PTPRD: variants seen among roughly 807,000 people sequenced by gnomAD.
The protein encoded by PTPRD is protein tyrosine phosphatase receptor type D, also known as receptor-type tyrosine-protein phosphatase delta.
Under a neutral mutation model 214.5 loss-of-function variants are expected in PTPRD, and 34 were observed. The ratio of observed to expected loss-of-function variants is 0.16; its 90% CI spans 0.12 to 0.21. The LOEUF (loss-of-function observed/expected upper bound fraction) is 0.21, where lower values mean the gene tolerates loss of function less well. Ranked by LOEUF, PTPRD falls within the 10% of genes least tolerant of loss-of-function variation. The probability of loss-of-function intolerance (pLI) is 1.00; values close to 1 mark genes in which losing one functional copy is unlikely to be tolerated. For synonymous variants in PTPRD, 1,128 were observed against 845.7 expected (o/e 1.33, Z -5.79); for missense variants, 2,545 against 2,398.7 (o/e 1.06, Z -1.27).
At chr9:9,914,000 G>C (rs554337859) in intron 5 of PTPRD, among the ~76,000 whole-genome samples, 146 of 152,262 alleles carry the variant, frequency 9.6e-4, no homozygotes, top group South Asian at 1.4e-3. Context: ...TGTGGACTCT[G>C]GGCCTAGGAT....
At chr9:9,419,130 C>T (rs1208519387) in intron 8 of PTPRD, among the ~76,000 whole-genome samples, 4 of 144,370 alleles carry the variant, frequency 2.8e-5, no homozygotes, top group African/African-American at 7.8e-5. Flanking sequence ...GCCCCTTATA[C>T]ACACACACAC....
chr9:8,758,767 T>TC (rs1273439986), intron 11 of PTPRD, among the ~76,000 whole-genome samples: 1 of 152,120 alleles, frequency 6.6e-6, no homozygotes, highest in African/African-American at 2.4e-5. Context: ...TAACCTTTTT[T>TC]TTTTTTTTGA....
chr9:9,399,953 A>T (rs2069555295), intron 8 of PTPRD, among the ~76,000 whole-genome samples: 1 of 152,068 alleles, frequency 6.6e-6, no homozygotes, highest in South Asian at 2.1e-4. Context: ...TTCTAAATAG[A>T]ATAATCAGAA....
intron 35 of PTPRD, among the ~76,000 whole-genome samples, chr9:8,421,141 A>C (rs2094331061): frequency 6.6e-6 from 1 of 152,166 alleles, no homozygotes. Flanking sequence ...ATGACTTGAT[A>C]AATGATATCT....
chr9:8,459,764 G>C (rs1031255091), intron 33 of PTPRD, among the ~76,000 whole-genome samples: 1 of 152,050 alleles, frequency 6.6e-6, no homozygotes, highest in Non-Finnish European at 1.5e-5. Flanking sequence ...ATAAGACTGA[G>C]ATTATATTTT....
intron 11 of PTPRD, among the ~76,000 whole-genome samples, chr9:8,767,471 T>A (rs1272028793): frequency 6.6e-6 from 1 of 152,130 alleles, no homozygotes; most frequent in Admixed American, 6.6e-5. Flanking sequence ...CAAAGATCAT[T>A]TATATAGGAA....
At chr9:9,898,917 T>C (rs2075720709) in intron 5 of PTPRD, among the ~76,000 whole-genome samples, 1 of 150,432 alleles carries the variant, frequency 6.6e-6, no homozygotes, top group South Asian at 2.1e-4. Flanking sequence ...TCCAGGATTT[T>C]CTTGTTTTCT....
intron 9 of PTPRD, among the ~76,000 whole-genome samples, chr9:9,388,672 A>C (rs1014913851): frequency 3.9e-5 from 6 of 152,210 alleles, no homozygotes; most frequent in Non-Finnish European, 7.3e-5. Context: ...GAAAGTTTTA[A>C]ATATACGAGC....
intron 9 of PTPRD, among the ~76,000 whole-genome samples, chr9:9,212,866 C>T (rs1439037889): frequency 3.3e-5 from 5 of 152,038 alleles, no homozygotes; most frequent in Non-Finnish European, 7.4e-5. Context: ...GGAGTTAGAT[C>T]TGGGTTTCCT....
intron 10 of PTPRD, among the ~76,000 whole-genome samples, chr9:9,095,464 G>A (rs1488149647): frequency 6.6e-6 from 1 of 152,166 alleles, no homozygotes; most frequent in East Asian, 1.9e-4. Flanking sequence ...TCCAGATTGA[G>A]CTGTGGAATC....
At chr9:9,941,376 G>A (rs556692287) in intron 4 of PTPRD, among the ~76,000 whole-genome samples, 2 of 152,276 alleles carry the variant, frequency 1.3e-5, no homozygotes, top group East Asian at 1.9e-4. Flanking sequence ...AGGCTGAAGG[G>A]CAGTGGCATG....
At position 8,449,772 on chromosome 9, in the gene PTPRD, T is replaced by A; in HGVS notation, c.3941A>T (p.His1314Leu). 6.2e-7 allele frequency: 1 copy of A among 1,614,048 alleles called. No individual in the cohort carries two copies. The highest frequency in any genetic ancestry group is 8.5e-7 in the Non-Finnish European group (1 of 1,179,946). The change falls in exon 34 of 46, where the codon CAC becomes CTC. Residue 1314 changes from histidine to leucine, a missense_variant. Transcript: ENST00000381196. The part of the protein sequence containing the change: ...IPNNKEIPSH[H>L]PTDPVELRRL... ...CCTCAGTTCTACAGGGTCTGTTGGG[T>A]GGTGTGAAGGGATCTCCTTATTGTT...
chr9:9,978,690 C>A (rs143833047), intron 4 of PTPRD, among the ~76,000 whole-genome samples: 281 of 152,012 alleles, frequency 1.8e-3, no homozygotes, highest in African/African-American at 6.3e-3. Context: ...GATATAATGA[C>A]TGAGAATTTT....
intron 3 of PTPRD, among the ~76,000 whole-genome samples, chr9:10,139,584 G>GCAAA (rs752604032): frequency 6.6e-6 from 1 of 151,712 alleles, no homozygotes; most frequent in Non-Finnish European, 1.5e-5. Flanking sequence ...GTATTCTTAA[G>GCAAA]CAAACAAACA....
At chr9:8,440,863 G>A (rs927478790) in intron 34 of PTPRD, among the ~76,000 whole-genome samples, 1 of 152,132 alleles carries the variant, frequency 6.6e-6, no homozygotes, top group Non-Finnish European at 1.5e-5. Context: ...CCTTAGAGAT[G>A]ACTTAGTCCA....
At chr9:8,919,694 C>T (rs1047497489) in intron 11 of PTPRD, among the ~76,000 whole-genome samples, 5 of 152,160 alleles carry the variant, frequency 3.3e-5, no homozygotes, top group Non-Finnish European at 7.4e-5. Flanking sequence ...TTTATACATG[C>T]ATGTATACAC....
At chr9:8,924,051 T>A (rs140123488) in intron 11 of PTPRD, among the ~76,000 whole-genome samples, 1 of 152,184 alleles carries the variant, frequency 6.6e-6, no homozygotes, top group Non-Finnish European at 1.5e-5. Flanking sequence ...AAATTTAGAA[T>A]GAAGAAATAT....
chr9:9,008,244 T>TATTTATTTATTTA, intron 11 of PTPRD, among the ~76,000 whole-genome samples: 1 of 150,650 alleles, frequency 6.6e-6, no homozygotes. Context: ...TTTATTTATT[T>TATTTATTTATTTA]TTGAGACAGA....
chr9:9,905,155 AT>A (rs1429288369), intron 5 of PTPRD, among the ~76,000 whole-genome samples: 3 of 151,660 alleles, frequency 2.0e-5, no homozygotes, highest in Admixed American at 2.0e-4. Context: ...TGAACACGAC[AT>A]TTTTTTTCAA....
Sources: allele counts gnomAD v4.1 joint callset (sites outside exome capture counted in the v4.1 genomes callset), GRCh38; gene constraint gnomAD v4.1.1; transcripts MANE v1.5; gene names NCBI Gene and HGNC (gene_info 2026-07-23, HGNC 2026-07-21).